The following RBFOX1 variants were observed in gnomAD, a reference collection of about 807,000 sequenced individuals.
RBFOX1 encodes the protein RNA binding fox-1 homolog 1.
RBFOX1 carries 8 observed loss-of-function variants against 57.7 expected under a neutral mutation model. The observed-to-expected ratio is 0.14, with a 90% CI of 0.08 to 0.25. The LOEUF (loss-of-function observed/expected upper bound fraction) is 0.25. RBFOX1 is among the 10% of genes least tolerant of loss of function. RBFOX1 has a pLI of 1.00. For missense variants in RBFOX1, 611 were observed against 548.5 expected (o/e 1.11, Z -1.14); for synonymous variants, 326 against 222.4 (o/e 1.47, Z -4.15).
intron 1 of RBFOX1, among the ~76,000 whole-genome samples, chr16:5,297,533 A>G (rs1430456828): frequency 6.6e-6 from 1 of 152,030 alleles, no homozygotes; most frequent in African/African-American, 2.4e-5. Flanking sequence ...GGTCATTTGT[A>G]TGTCTTCTTT....
chr16:7,342,731 G>C (rs1200582400), intron 4 of RBFOX1, among the ~76,000 whole-genome samples: 1 of 151,998 alleles, frequency 6.6e-6, no homozygotes, highest in Non-Finnish European at 1.5e-5. Context: ...TTGACATCTT[G>C]GCTCATGGCT....
At chr16:5,832,618 T>C (rs2056317822) in intron 3 of RBFOX1, among the ~76,000 whole-genome samples, 1 of 152,218 alleles carries the variant, frequency 6.6e-6, no homozygotes, top group South Asian at 2.1e-4. Context: ...ATTTGATGTC[T>C]CTCCCAAGAG....
chr16:7,132,314 C>T (rs187034270), intron 4 of RBFOX1, among the ~76,000 whole-genome samples: 1 of 151,864 alleles, frequency 6.6e-6, no homozygotes, highest in African/African-American at 2.4e-5. Context: ...TGTTCTTTAT[C>T]TGTATATATT....
Position 6,841,865 on chromosome 16 carries a change from G to A in RBFOX1, c.-16+187215G>A, listed in dbSNP as rs1369666337. ...CATAAAAAATTCCAACAGGCCGGGC[G>A]CGGTGGCTCACGCCTGTAATCCTAG... On this transcript the variant is annotated intron_variant, in intron 3 of 15. Transcript: ENST00000550418. Among the ~76,000 whole-genome samples the A allele has an allele frequency of 7.9e-5, 12 of 152,046 alleles. No individual in the cohort carries two copies. The South Asian group carries it at 1.0e-3, about 13-fold the overall frequency.
At chr16:7,559,670 T>C (rs1359877395) in intron 5 of RBFOX1, among the ~76,000 whole-genome samples, 2 of 152,182 alleles carry the variant, frequency 1.3e-5, no homozygotes, top group African/African-American at 4.8e-5. Context: ...TAAGAATGAA[T>C]TTTCATGACT....
chr16:6,609,519 T>C (rs576528813), intron 2 of RBFOX1, among the ~76,000 whole-genome samples: 2 of 152,192 alleles, frequency 1.3e-5, no homozygotes, highest in Non-Finnish European at 2.9e-5. Context: ...AATTTTTGTA[T>C]TTTTTGTAAC....
At chr16:6,306,671 A>G (rs1341147221) in intron 1 of RBFOX1, among the ~76,000 whole-genome samples, 1 of 152,116 alleles carries the variant, frequency 6.6e-6, no homozygotes, top group Non-Finnish European at 1.5e-5. Context: ...GGGAAGGAGC[A>G]TTTTCATCTC....
intron 3 of RBFOX1, among the ~76,000 whole-genome samples, chr16:5,661,977 TG>T (rs1019761421): frequency 1.4e-4 from 22 of 151,936 alleles, no homozygotes; most frequent in African/African-American, 5.3e-4. Context: ...TTAGTAGAGA[TG>T]GGGTTTCACC....
At chr16:5,845,745 C>T (rs947418625) in intron 3 of RBFOX1, among the ~76,000 whole-genome samples, 4 of 152,182 alleles carry the variant, frequency 2.6e-5, no homozygotes, top group African/African-American at 9.7e-5. Context: ...AGTGGCCACA[C>T]GTGGCTAGTG....
intron 2 of RBFOX1, among the ~76,000 whole-genome samples, chr16:6,390,580 A>T (rs779989834): frequency 2.6e-5 from 4 of 152,184 alleles, no homozygotes; most frequent in African/African-American, 2.4e-5. Context: ...GAAGAAACAT[A>T]TCAGATAGTT....
chr16:5,709,809 T>A (rs573912503), intron 3 of RBFOX1, among the ~76,000 whole-genome samples: 8 of 14,444 alleles, frequency 5.5e-4, no homozygotes, highest in South Asian at 1.6e-3. Flanking sequence ...ATCAGTTTCT[T>A]TATATATATA....
chr16:6,966,376 C>A (rs1406288822), intron 3 of RBFOX1, among the ~76,000 whole-genome samples: 1 of 152,210 alleles, frequency 6.6e-6, no homozygotes, highest in East Asian at 1.9e-4. Flanking sequence ...AATAATAAGT[C>A]ATGGCAGGAC....
At chr16:5,324,750 A>G (rs1490632388) in intron 1 of RBFOX1, among the ~76,000 whole-genome samples, 1 of 152,226 alleles carries the variant, frequency 6.6e-6, no homozygotes, top group Non-Finnish European at 1.5e-5. Flanking sequence ...AGTGGGAGCT[A>G]AATGATGAAC....
Position 7,330,472 on chromosome 16 carries a change from CTGTGTGTGTGTGTGTGTG to C in RBFOX1, c.28-187655_28-187638del, listed in dbSNP as rs71391624. 4.6e-4 allele frequency among the ~76,000 whole-genome samples: 43 copies of C among 94,426 alleles called. No homozygotes were observed. In the South Asian group the frequency reaches 0.015, roughly 32 times the overall value. 61.9% of individuals were successfully genotyped at this position (94,426 alleles called of 152,430 possible). On this transcript the variant is annotated intron_variant, in intron 4 of 15. Transcript: ENST00000550418. ...GTGGAACCCCAGAATATGGAGAGCTCTGTGTGTGTGTGTGTGTGTGTGTGTGTGTGTGTGTGTTTGTGT... is the reference window on the plus strand; with the variant it reads ...GTGGAACCCCAGAATATGGAGAGCTCTGTGTGTGTGTGTGTGTGTTTGTGT...
chr16:5,286,645 T>C (rs1165669399), intron 1 of RBFOX1, among the ~76,000 whole-genome samples: 1 of 152,192 alleles, frequency 6.6e-6, no homozygotes, highest in Non-Finnish European at 1.5e-5. Context: ...AGCCAGTCAC[T>C]CGTAAGGGGG....
chr16:7,288,279 C>T (rs1252884472), intron 4 of RBFOX1, among the ~76,000 whole-genome samples: 2 of 152,210 alleles, frequency 1.3e-5, no homozygotes, highest in African/African-American at 4.8e-5. Flanking sequence ...AACTTTCAGA[C>T]ATTCTACTTG....
At chr16:5,536,788 A>C (rs576840156) in intron 2 of RBFOX1, among the ~76,000 whole-genome samples, 11 of 151,902 alleles carry the variant, frequency 7.2e-5, no homozygotes, top group Non-Finnish European at 1.5e-4. Context: ...TGTGGGGGAA[A>C]ACAGGAATTA....
At chr16:7,187,124 G>C (rs1036120067) in intron 4 of RBFOX1, among the ~76,000 whole-genome samples, 1 of 151,852 alleles carries the variant, frequency 6.6e-6, no homozygotes, top group Non-Finnish European at 1.5e-5. Flanking sequence ...AGCCATGATG[G>C]TGCCACTGCA....
chr16:6,382,872 G>T (rs2091941216), intron 2 of RBFOX1, among the ~76,000 whole-genome samples: 1 of 152,020 alleles, frequency 6.6e-6, no homozygotes, highest in African/African-American at 2.4e-5. Context: ...AAAAGAAAAT[G>T]CTTTTACTCT....
Sources: allele counts gnomAD v4.1 joint callset (sites outside exome capture counted in the v4.1 genomes callset), GRCh38; gene constraint gnomAD v4.1.1; transcripts MANE v1.5; gene names NCBI Gene and HGNC (gene_info 2026-07-23, HGNC 2026-07-21).